The following NDUFA5 variants were observed in gnomAD, a reference collection of about 807,000 sequenced individuals.
NDUFA5 encodes the protein NADH:ubiquinone oxidoreductase subunit A5, also known as NADH dehydrogenase [ubiquinone] 1 alpha subcomplex subunit 5.
In NDUFA5, 11 loss-of-function variants were observed where a neutral mutation model predicts 19.8. The observed-to-expected ratio is 0.56, with a 90% CI of 0.35 to 0.92. NDUFA5 has a LOEUF of 0.92. Ranked by LOEUF, NDUFA5 falls within the 40% of genes least tolerant of loss-of-function variation. NDUFA5 has a pLI of 0.01. For missense variants in NDUFA5, 109 were observed against 134.2 expected (o/e 0.81, Z 0.93); for synonymous variants, 47 against 46.8 (o/e 1.00, Z -0.01).
At chr7:123,589,162 T>C in the NDUFA5 span, among the ~76,000 whole-genome samples, 1 of 151,814 alleles carries the variant, frequency 6.6e-6, no homozygotes, top group Non-Finnish European at 1.5e-5. Context: ...CTACTATTAT[T>C]GTCTATTTCT....
chr7:123,539,944 A>G lies in NDUFA5; in HGVS notation c.*2175T>C, dbSNP rs1797870643. 6.6e-6 allele frequency: 1 copy of G among 152,228 alleles called. No individual in the cohort carries two copies. The highest frequency in any genetic ancestry group is 1.5e-5 in the Non-Finnish European group (1 of 68,052). The allele number at this position is 152,228 out of a possible 1,614,324, so 9.4% of individuals were successfully genotyped here. A position where few individuals can be genotyped will look rare whatever the true frequency, so the allele number is the denominator to read the frequency against. ...GTCACAACATCCCAAGCATATTCAT[A>G]AATAATAATATAACAGGAGCATCAG... On this transcript the variant is annotated 3_prime_UTR_variant, in exon 5 of 5. Transcript: ENST00000355749.
At chr7:123,583,599 C>A in the NDUFA5 span, among the ~76,000 whole-genome samples, 3 of 151,812 alleles carry the variant, frequency 2.0e-5, no homozygotes, top group African/African-American at 7.3e-5. Flanking sequence ...TTTGATAAAT[C>A]AACAACCCTT....
At chr7:123,542,654 C>A (rs1342509065) in intron 4 of NDUFA5, among the ~76,000 whole-genome samples, 1 of 152,038 alleles carries the variant, frequency 6.6e-6, no homozygotes, top group Non-Finnish European at 1.5e-5. Flanking sequence ...TCTTTACTGG[C>A]AGTGATATAT....
chr7:123,583,535 T>C, the NDUFA5 span, among the ~76,000 whole-genome samples: 2 of 152,030 alleles, frequency 1.3e-5, no homozygotes, highest in Non-Finnish European at 2.9e-5. Flanking sequence ...TTCTGCTATA[T>C]GACATTCTCT....
intron 4 of NDUFA5, among the ~76,000 whole-genome samples, chr7:123,542,962 C>T (rs756314712): frequency 1.1e-4 from 16 of 152,040 alleles, no homozygotes; most frequent in Non-Finnish European, 2.1e-4. Context: ...AAGATGAATA[C>T]TATTAAACAC....
upstream of NDUFA5, among the ~76,000 whole-genome samples, chr7:123,561,669 C>T (rs545088716): frequency 5.6e-4 from 85 of 152,282 alleles, no homozygotes; most frequent in African/African-American, 2.0e-3. Flanking sequence ...ATGATCTTGG[C>T]TCACTGCAAC....
the NDUFA5 span, among the ~76,000 whole-genome samples, chr7:123,591,427 G>A: frequency 6.6e-6 from 1 of 152,118 alleles, no homozygotes; most frequent in Admixed American, 6.5e-5. Flanking sequence ...TAACATATTG[G>A]CTGTGGGTTT....
chr7:123,567,113 A>G, the NDUFA5 span: 1 of 152,226 alleles, frequency 6.6e-6, no homozygotes, highest in South Asian at 2.1e-4. Context: ...AGTTTCATGT[A>G]GTGAGAAAAT....
At chr7:123,580,087 T>C in the NDUFA5 span, among the ~76,000 whole-genome samples, 8 of 151,892 alleles carry the variant, frequency 5.3e-5, no homozygotes, top group Admixed American at 4.6e-4. Context: ...GAAAAATTCA[T>C]GGAGATGGAG....
At chr7:123,572,315 T>C in the NDUFA5 span, among the ~76,000 whole-genome samples, 1 of 151,410 alleles carries the variant, frequency 6.6e-6, no homozygotes, top group Non-Finnish European at 1.5e-5. Flanking sequence ...TTAATTTTTG[T>C]ATTTTTAGTA....
chr7:123,584,308 CAAAA>C, the NDUFA5 span, among the ~76,000 whole-genome samples: 20 of 99,492 alleles, frequency 2.0e-4, no homozygotes, highest in African/African-American at 3.1e-4. Context: ...AAGGCCTTGT[CAAAA>C]AAAAAAAAAA....
At chr7:123,589,339 ACTTT>A in the NDUFA5 span, among the ~76,000 whole-genome samples, 2 of 146,526 alleles carry the variant, frequency 1.4e-5, no homozygotes, top group Admixed American at 6.7e-5. Flanking sequence ...TTATTATTAT[ACTTT>A]AAGTTCAAGG....
intron 3 of NDUFA5, 79 bp from the exon 4 acceptor site, chr7:123,545,755 A>G: frequency 1.1e-6 from 1 of 910,408 alleles, no homozygotes; most frequent in African/African-American, 1.7e-5. Context: ...TAAAATTCCT[A>G]TATAAAAACA....
At chr7:123,573,528 G>A in the NDUFA5 span, among the ~76,000 whole-genome samples, 1 of 152,014 alleles carries the variant, frequency 6.6e-6, no homozygotes, top group African/African-American at 2.4e-5. Context: ...GCTGATCTGT[G>A]AGGGCTTTCT....
rs1305398659 is a variant in NDUFA5 at position 123,557,799 on chromosome 7, AG to A, written c.-5del. On this transcript the variant is annotated 5_prime_UTR_variant, in exon 1 of 5. Coordinates refer to ENST00000355749, the MANE Select transcript of NDUFA5 (RefSeq NM_005000.5). ...CCTTCTTCAGCACACCCGCCATGAC[AG>A]CGCCAACGACTCGGTGACGCACAAC... 1.2e-6 allele frequency: 2 copies of A among 1,613,926 alleles called. No homozygotes were observed. The highest frequency in any genetic ancestry group is 2.2e-5 in the South Asian group (2 of 91,070).
chr7:123,584,308 CAAAAAAA>C, the NDUFA5 span, among the ~76,000 whole-genome samples: 1 of 99,530 alleles, frequency 1.0e-5, no homozygotes, highest in Admixed American at 1.1e-4. Context: ...AAGGCCTTGT[CAAAAAAA>C]AAAAAAAAAA....
rs1797959398 is a variant in NDUFA5 at position 123,542,061 on chromosome 7, T to C, written c.*58A>G. 7 of 1,244,988 alleles carry C rather than the reference T, an allele frequency of 5.6e-6. No homozygotes were observed. The highest frequency in any genetic ancestry group is 6.8e-6 in the Non-Finnish European group (6 of 879,184). The allele number at this position is 1,244,988 out of a possible 1,614,324, so 77.1% of individuals were successfully genotyped here. On this transcript the variant is annotated 3_prime_UTR_variant, in exon 5 of 5. Coordinates refer to ENST00000355749, the MANE Select transcript of NDUFA5 (RefSeq NM_005000.5). ...GTCAGTAATAAGAACACGCTCTTAA[T>C]ATAACAGAATATTTAATTACATCAG...
chr7:123,561,775 C>T (rs6979116), upstream of NDUFA5, among the ~76,000 whole-genome samples: 68,916 of 151,692 alleles, frequency 0.45, 15,957 homozygotes, highest in African/African-American at 0.53. Context: ...TTTTTGTATT[C>T]TTAGTAGAGA....
At chr7:123,579,888 G>A in the NDUFA5 span, among the ~76,000 whole-genome samples, 1 of 151,988 alleles carries the variant, frequency 6.6e-6, no homozygotes, top group Non-Finnish European at 1.5e-5. Context: ...CCATTGTTTA[G>A]GTCTCTAGGT....
Sources: allele counts gnomAD v4.1 joint callset (sites outside exome capture counted in the v4.1 genomes callset), GRCh38; gene constraint gnomAD v4.1.1; transcripts MANE v1.5; gene names NCBI Gene and HGNC (gene_info 2026-07-23, HGNC 2026-07-21).